ADARB2: variants seen among roughly 807,000 people sequenced by gnomAD.
ADARB2 encodes inactive double-stranded RNA-specific editase B2.
In ADARB2, 25 loss-of-function variants were observed where a neutral mutation model predicts 62.2. The ratio of observed to expected loss-of-function variants is 0.40; its 90% CI spans 0.29 to 0.56. The LOEUF is 0.56. Among genes scored for constraint, ADARB2 ranks in the 20% least tolerant of loss-of-function variants. The probability of loss-of-function intolerance (pLI) is 0.43; values close to 1 mark genes in which losing one functional copy is unlikely to be tolerated. For missense variants in ADARB2, 1,071 were observed against 1,077.4 expected (o/e 0.99, Z 0.08); for synonymous variants, 572 against 500.8 (o/e 1.14, Z -1.90).
Position 1,183,316 on chromosome 10 carries a change from G to C in ADARB2, c.2097C>G (p.Ala699=). The C allele has an allele frequency of 6.2e-7, 1 of 1,614,206 alleles. No homozygotes were observed. Among genetic ancestry groups the C allele is most frequent in the Non-Finnish European group, 8.5e-7 (1 of 1,180,044 alleles). ...PGDTPSMYCE[A]KLGAHTYQSV... Reference sequence around the variant, plus strand: ...ACTGGTAGGTGTGCGCCCCCAGCTTGGCCTCACAGTACATGGAGGGCGTGT... The same window carrying C: ...ACTGGTAGGTGTGCGCCCCCAGCTTCGCCTCACAGTACATGGAGGGCGTGT... Residue 699 remains alanine, a synonymous_variant, in exon 10 of 10, where the codon GCC becomes GCG. Transcript: ENST00000381312.
At chr10:1,633,485 C>T (rs775415220) in intron 1 of ADARB2, among the ~76,000 whole-genome samples, 3 of 151,770 alleles carry the variant, frequency 2.0e-5, no homozygotes, top group Non-Finnish European at 4.4e-5. Flanking sequence ...ACCCAAATCC[C>T]AAGTGAACAT....
intron 1 of ADARB2, among the ~76,000 whole-genome samples, chr10:1,503,041 C>G (rs1434873204): frequency 6.6e-6 from 1 of 152,110 alleles, no homozygotes; most frequent in African/African-American, 2.4e-5. Flanking sequence ...GAGATTAACC[C>G]TAAACACACG....
chr10:1,302,230 C>T (rs1831579945), intron 3 of ADARB2, among the ~76,000 whole-genome samples: 1 of 152,220 alleles, frequency 6.6e-6, no homozygotes, highest in Non-Finnish European at 1.5e-5. Context: ...CGCAAGGGGT[C>T]AGGGAGTTCC....
chr10:1,224,992 ATCTG>A (rs1830731628), intron 6 of ADARB2, among the ~76,000 whole-genome samples: 1 of 152,254 alleles, frequency 6.6e-6, no homozygotes, highest in East Asian at 1.9e-4. Context: ...TGTCTTGTTG[ATCTG>A]TCTAATTTTG....
chr10:1,468,287 G>A (rs1339416853), intron 1 of ADARB2, among the ~76,000 whole-genome samples: 1 of 152,182 alleles, frequency 6.6e-6, no homozygotes, highest in Admixed American at 6.5e-5. Flanking sequence ...GGTGTTGCTG[G>A]CTGCCTGAGG....
chr10:1,604,018 T>C (rs1198885720), intron 1 of ADARB2, among the ~76,000 whole-genome samples: 1 of 152,112 alleles, frequency 6.6e-6, no homozygotes, highest in African/African-American at 2.4e-5. Flanking sequence ...TTGGCCAGGC[T>C]GGTCTCAAAC....
At chr10:1,232,641 CTG>C (rs369821475) in intron 6 of ADARB2, among the ~76,000 whole-genome samples, 11,670 of 142,844 alleles carry the variant, frequency 0.082, 1,452 homozygotes, top group African/African-American at 0.28. Flanking sequence ...TGTATGTGGT[CTG>C]TGTGTGGTAT....
intron 1 of ADARB2, among the ~76,000 whole-genome samples, chr10:1,544,321 G>A (rs995434443): frequency 3.9e-5 from 6 of 152,262 alleles, no homozygotes; most frequent in Admixed American, 6.5e-5. Flanking sequence ...GTGGGCAGCA[G>A]CATGAAGCCC....
At chr10:1,421,708 T>C (rs1832853941) in intron 1 of ADARB2, among the ~76,000 whole-genome samples, 1 of 152,076 alleles carries the variant, frequency 6.6e-6, no homozygotes, top group Admixed American at 6.5e-5. Context: ...GTTGACTGTT[T>C]GTTTTGTCCT....
chr10:1,251,781 C>A (rs1831039464), intron 4 of ADARB2, among the ~76,000 whole-genome samples: 1 of 151,958 alleles, frequency 6.6e-6, no homozygotes, highest in South Asian at 2.1e-4. Flanking sequence ...GGATTAATAC[C>A]CCTATAAAAG....
intron 1 of ADARB2, among the ~76,000 whole-genome samples, chr10:1,650,111 A>G (rs2119070971): frequency 6.6e-6 from 1 of 152,330 alleles, no homozygotes; most frequent in South Asian, 2.1e-4. Context: ...GACGCTTGCC[A>G]TAAATATGGT....
chr10:1,446,442 GTT>G (rs1830971281), intron 1 of ADARB2, among the ~76,000 whole-genome samples: 1 of 152,236 alleles, frequency 6.6e-6, no homozygotes, highest in African/African-American at 2.4e-5. Context: ...TTATGACACA[GTT>G]GTTACTATTT....
At chr10:1,184,692 A>AG (rs1836727386) in intron 9 of ADARB2, among the ~76,000 whole-genome samples, 169 bp downstream of exon 9, 2 of 152,192 alleles carry the variant, frequency 1.3e-5, no homozygotes, top group Non-Finnish European at 2.9e-5. Flanking sequence ...TCAAGCCTAC[A>AG]GGGGAAACGC....
intron 3 of ADARB2, among the ~76,000 whole-genome samples, chr10:1,333,222 C>G (rs1487287709): frequency 2.0e-5 from 3 of 152,188 alleles, no homozygotes; most frequent in African/African-American, 7.2e-5. Flanking sequence ...GCCATAATTG[C>G]TTAGTTTGGA....
chr10:1,379,669 G>A (rs894933504), intron 1 of ADARB2, among the ~76,000 whole-genome samples: 1 of 152,232 alleles, frequency 6.6e-6, no homozygotes, highest in Non-Finnish European at 1.5e-5. Context: ...GGCAGAAGTA[G>A]AGGAGGGGAG....
chr10:1,682,311 T>C (rs923694680), intron 1 of ADARB2, among the ~76,000 whole-genome samples: 3 of 152,118 alleles, frequency 2.0e-5, no homozygotes, highest in African/African-American at 7.2e-5. Flanking sequence ...CCCTCCCGGG[T>C]TTCCTCCCAT....
At chr10:1,375,839 C>A (rs557819503) in intron 2 of ADARB2, among the ~76,000 whole-genome samples, 5 of 150,450 alleles carry the variant, frequency 3.3e-5, no homozygotes, top group Non-Finnish European at 5.9e-5. Flanking sequence ...GTGCACACAC[C>A]GCACACATGC....
chr10:1,197,093 C>G (rs986163069), intron 8 of ADARB2, among the ~76,000 whole-genome samples: 2 of 152,150 alleles, frequency 1.3e-5, no homozygotes, highest in Admixed American at 1.3e-4. Flanking sequence ...CAAAATAGAC[C>G]TCTGTTTAAT....
intron 1 of ADARB2, among the ~76,000 whole-genome samples, chr10:1,537,238 AATGCAAATCAAAACCACACTGAG>A (rs1362352844): frequency 1.3e-5 from 2 of 152,250 alleles, no homozygotes; most frequent in African/African-American, 4.8e-5. Context: ...TCATTAGAGA[AATGCAAATCAAAACCACACTGAG>A]ATGCCATCTC....
Sources: gnomAD v4.1 joint callset for allele counts (sites outside exome capture counted in the v4.1 genomes callset) on GRCh38, gnomAD v4.1.1 for gene constraint, MANE v1.5 for transcripts, NCBI Gene and HGNC (gene_info 2026-07-23, HGNC 2026-07-21) for gene names.